SELENOI: variants seen among roughly 807,000 people sequenced by gnomAD.
SELENOI encodes the protein selenoprotein I.
In SELENOI, 24 loss-of-function variants were observed where a neutral mutation model predicts 50.7. The ratio of observed to expected loss-of-function variants is 0.47; its 90% confidence interval spans 0.34 to 0.67. The LOEUF (loss-of-function observed/expected upper bound fraction) is 0.67. Among genes scored for constraint, SELENOI ranks in the 30% least tolerant of loss-of-function variants. The probability of loss-of-function intolerance (pLI) is 0.01; values close to 1 mark genes in which losing one functional copy is unlikely to be tolerated. For synonymous variants in SELENOI, 155 were observed against 170.2 expected (o/e 0.91, Z 0.70); for missense variants, 352 against 461.4 (o/e 0.76, Z 2.17).
chr2:26,383,267 A>C, intron 6 of SELENOI, 32 bp from the exon 7 acceptor site: 1 of 1,474,372 alleles, frequency 6.8e-7, no homozygotes, highest in Non-Finnish European at 9.1e-7. Flanking sequence ...GCTCTTGAAT[A>C]AGCATAATAA....
At position 26,370,852 on chromosome 2, in the gene SELENOI, C is replaced by T. The variant is rs569948760; in HGVS notation, c.311-2515C>T. On this transcript the variant is annotated intron_variant, in intron 4 of 9. Coordinates refer to ENST00000260585, the MANE Select transcript of SELENOI (RefSeq NM_033505.4). ...GGGGCTGACACCCCCACCTCCCTCC[C>T]GGACGGGGCGGCTGGCCAGGCGGGG... Among the ~76,000 whole-genome samples the T allele has an allele frequency of 4.7e-4, 65 of 138,324 alleles. 2 individuals are homozygous for T. In the East Asian group the frequency reaches 0.014, roughly 30 times the overall value. 90.7% of individuals were successfully genotyped at this position (138,324 alleles called of 152,430 possible).
intron 1 of SELENOI, among the ~76,000 whole-genome samples, chr2:26,349,018 T>C (rs1298185802): frequency 2.3e-5 from 3 of 130,334 alleles, no homozygotes; most frequent in Non-Finnish European, 4.8e-5. Flanking sequence ...TTTTTTTTTT[T>C]TTTTTTTTTT....
Position 26,367,426 on chromosome 2 carries a change from T to C in SELENOI, c.310+206T>C, listed in dbSNP as rs1404539661. 6.8e-4 allele frequency among the ~76,000 whole-genome samples: 103 copies of C among 152,206 alleles called. 1 individual carries two copies. Among genetic ancestry groups the C allele is most frequent in the Admixed American group, 6.6e-3 (101 of 15,284 alleles). On this transcript the variant is annotated intron_variant, in intron 4 of 9. Coordinates refer to ENST00000260585, the MANE Select transcript of SELENOI (RefSeq NM_033505.4). ...AGGGATTCACAGAATAAGATAAGAG[T>C]TGGTAAACTACTACTTGTGGGCCAA... is the stretch of plus-strand genomic sequence containing the variant.
rs545850570 is a variant in SELENOI at position 26,394,908 on chromosome 2, G to C, written c.*5805G>C. The C allele has an allele frequency of 3.3e-5, 5 of 152,188 alleles. No individual in the cohort carries two copies. The highest frequency in any genetic ancestry group is 7.3e-5 in the Non-Finnish European group (5 of 68,048). The allele number at this position is 152,188 out of a possible 1,614,324, so 9.4% of individuals were successfully genotyped here. On this transcript the variant is annotated 3_prime_UTR_variant, in exon 10 of 10. Transcript: ENST00000260585. The surrounding 1 kb of genome is among the most constrained non-coding windows in gnomAD (Gnocchi z 4.1). The stretch of plus-strand genomic sequence containing the variant: ...GTCCTGTTGCAGTTGGCTTTCTGTA[G>C]TGTTCTGAAACAAGAGGACGATTCC...
intron 9 of SELENOI, among the ~76,000 whole-genome samples, chr2:26,387,588 T>A (rs1030982630): frequency 2.0e-5 from 3 of 150,582 alleles, no homozygotes; most frequent in East Asian, 3.9e-4. Flanking sequence ...CCTAGCTACT[T>A]GGAGGGCTGA....
chr2:26,381,961 C>T (rs898919778), intron 6 of SELENOI, among the ~76,000 whole-genome samples: 9 of 152,270 alleles, frequency 5.9e-5, no homozygotes, highest in African/African-American at 2.2e-4. Flanking sequence ...TAATATGTTG[C>T]ATGACAATGG....
chr2:26,382,192 C>A (rs899205729), intron 6 of SELENOI, among the ~76,000 whole-genome samples: 1 of 152,178 alleles, frequency 6.6e-6, no homozygotes, highest in African/African-American at 2.4e-5. Context: ...ATATTGCAGT[C>A]ATCTGTTGTA....
chr2:26,374,922 A>ATACT, intron 5 of SELENOI, 118 bp from the exon 6 acceptor site: 1 of 671,326 alleles, frequency 1.5e-6, no homozygotes, highest in South Asian at 1.9e-5. Flanking sequence ...AAATATAAGC[A>ATACT]TACTTCTTGC....
chr2:26,353,013 C>G (rs907483709), intron 1 of SELENOI, among the ~76,000 whole-genome samples: 1 of 152,086 alleles, frequency 6.6e-6, no homozygotes, highest in African/African-American at 2.4e-5. Flanking sequence ...AGTTTACCTG[C>G]TAGATCCCTG....
chr2:26,388,730 C>T (rs1016444468), intron 9 of SELENOI, among the ~76,000 whole-genome samples: 4 of 152,078 alleles, frequency 2.6e-5, no homozygotes, highest in African/African-American at 9.7e-5. Context: ...GTCAACTAAT[C>T]CTATAGTTTT....
At chr2:26,357,046 T>C (rs1677079344) in intron 1 of SELENOI, among the ~76,000 whole-genome samples, 1 of 151,354 alleles carries the variant, frequency 6.6e-6, no homozygotes, top group Non-Finnish European at 1.5e-5. Flanking sequence ...CTGTAATACA[T>C]TAAGATCTTA....
At chr2:26,368,028 C>T (rs1210797157) in intron 4 of SELENOI, among the ~76,000 whole-genome samples, 6 of 152,150 alleles carry the variant, frequency 3.9e-5, no homozygotes, top group Non-Finnish European at 7.4e-5. Flanking sequence ...TCCCCAGTAT[C>T]GTAGACACTC....
chr2:26,361,454 A>C (rs1677176256), intron 1 of SELENOI, among the ~76,000 whole-genome samples: 1 of 152,202 alleles, frequency 6.6e-6, no homozygotes, highest in Non-Finnish European at 1.5e-5. Flanking sequence ...CATTTATGTG[A>C]ATTTGGTCTC....
intron 1 of SELENOI, among the ~76,000 whole-genome samples, chr2:26,357,654 C>T (rs1470352001): frequency 6.6e-6 from 1 of 152,220 alleles, no homozygotes; most frequent in Admixed American, 6.5e-5. Context: ...TGCCCTCCCT[C>T]TTCATATGGC....
Position 26,346,147 on chromosome 2 carries a change from T to A in SELENOI, c.-86T>A. 1 of 1,605,226 alleles carries A rather than the reference T, an allele frequency of 6.2e-7. No individual in the cohort carries two copies. The highest frequency in any genetic ancestry group is 8.5e-7 in the Non-Finnish European group (1 of 1,176,350). On this transcript the variant is annotated 5_prime_UTR_variant, in exon 1 of 10. Coordinates refer to ENST00000260585, the MANE Select transcript of SELENOI (RefSeq NM_033505.4). ...TTCTCGGGCAGCCCAGTCTTTGCCA[T>A]CCTTGCCCAGCCGGTGTGGTGCTTG...
In SELENOI at chr2:26,392,738, G is replaced by T. The variant is rs965425007; in HGVS notation, c.*3635G>T. The stretch of plus-strand genomic sequence containing the variant: ...AAAACAGATACAGAAATCTTTGGTT[G>T]TGTGGATGCCTGTGTTCAGAGTGGC... On this transcript the variant is annotated 3_prime_UTR_variant, in exon 10 of 10. Transcript: ENST00000260585. The T allele has an allele frequency of 6.6e-6, 1 of 152,252 alleles. No homozygotes were observed. The highest frequency in any genetic ancestry group is 1.5e-5 in the Non-Finnish European group (1 of 68,052). The allele number at this position is 152,252 out of a possible 1,614,324, so 9.4% of individuals were successfully genotyped here.
intron 6 of SELENOI, among the ~76,000 whole-genome samples, chr2:26,377,431 A>T (rs749035798): frequency 6.6e-6 from 1 of 152,060 alleles, no homozygotes; most frequent in Non-Finnish European, 1.5e-5. Context: ...GGAAGTCAAG[A>T]CCAGCCTGGG....
intron 6 of SELENOI, among the ~76,000 whole-genome samples, chr2:26,378,245 AC>A (rs1389196407): frequency 6.6e-6 from 1 of 151,206 alleles, no homozygotes; most frequent in Non-Finnish European, 1.5e-5. Context: ...TCTGCCCCCA[AC>A]CCTCAAGCCA....
At position 26,386,512 on chromosome 2, in the gene SELENOI, C is replaced by T; in HGVS notation, c.1071C>T (p.Ala357=). 2 of 1,611,814 alleles carry T rather than the reference C, an allele frequency of 1.2e-6. No homozygotes were observed. Among genetic ancestry groups the T allele is most frequent in the African/African-American group, 1.3e-5 (1 of 74,832 alleles). Residue 357 remains alanine (A), a synonymous_variant, in exon 9 of 10, where the codon GCC becomes GCT. Coordinates refer to ENST00000260585, the MANE Select transcript of SELENOI (RefSeq NM_033505.4). ...CATTAACAACTGCTTTTACTCTGGC[C>T]CACATCCATTATGGAGTACGAGTGG... is the stretch of plus-strand genomic sequence containing the variant. ...LYTLTTAFTL[A]HIHYGVRVVK...
Sources: allele counts gnomAD v4.1 joint callset (sites outside exome capture counted in the v4.1 genomes callset), GRCh38; gene constraint gnomAD v4.1.1; non-coding constraint Gnocchi (gnomAD v3.1); transcripts MANE v1.5; gene names NCBI Gene and HGNC (gene_info 2026-07-23, HGNC 2026-07-21).